The following SSR1 variants were observed in gnomAD, a reference collection of about 807,000 sequenced individuals.
The protein encoded by SSR1 is signal sequence receptor subunit 1.
Under a neutral mutation model 36.1 loss-of-function variants are expected in SSR1, and 13 were observed. The observed-to-expected ratio is 0.36, with a 90% CI of 0.23 to 0.57. SSR1 has a LOEUF of 0.57. Among genes scored for constraint, SSR1 ranks in the 20% least tolerant of loss-of-function variants. SSR1 has a pLI of 0.81. For synonymous variants in SSR1, 113 were observed against 118.9 expected (o/e 0.95, Z 0.32); for missense variants, 291 against 338.5 (o/e 0.86, Z 1.10).
At chr6:7,299,885 T>C (rs1757896497) in intron 4 of SSR1, among the ~76,000 whole-genome samples, 1 of 152,202 alleles carries the variant, frequency 6.6e-6, no homozygotes, top group Non-Finnish European at 1.5e-5. Context: ...TTGTCAAAAC[T>C]GTCACTTATT....
chr6:7,306,928 G>GC lies in SSR1; in HGVS notation c.192+2988_192+2989insG, dbSNP rs1209997738. Among the ~76,000 whole-genome samples, 12 of 115,562 alleles carry GC rather than the reference G, an allele frequency of 1.0e-4. No individual in the cohort carries two copies. In the South Asian group the frequency reaches 3.1e-3, roughly 30 times the overall value. The allele number at this position is 115,562 out of a possible 152,430, so 75.8% of individuals were successfully genotyped here. On this transcript the variant is annotated intron_variant, in intron 2 of 7. Transcript: ENST00000244763. Reference sequence around the variant, plus strand: ...CGAGACTCTGTCTGGGTGGTGGGGGGGTGGGGGAAAGCCCAAGGTGACTTA... The same window carrying GC: ...CGAGACTCTGTCTGGGTGGTGGGGGGCGTGGGGGAAAGCCCAAGGTGACTTA...
At chr6:7,296,363 A>G (rs553560660) in intron 6 of SSR1, among the ~76,000 whole-genome samples, 5 of 152,332 alleles carry the variant, frequency 3.3e-5, no homozygotes, top group African/African-American at 1.2e-4. Context: ...CCTAATATAC[A>G]AATTTACAGC....
intron 4 of SSR1, 92 bp from the exon 5 acceptor site, chr6:7,298,915 T>A (rs924140955): frequency 1.0e-6 from 1 of 968,430 alleles, no homozygotes; most frequent in Non-Finnish European, 1.6e-6. Flanking sequence ...TCTAACAGAT[T>A]GAATATAGCC....
chr6:7,301,171 T>C, intron 4 of SSR1, 139 bp downstream of exon 4: 2 of 1,074,238 alleles, frequency 1.9e-6, no homozygotes, highest in Middle Eastern at 2.8e-4. Context: ...AAACGTGCAA[T>C]TTATCTTTGC....
intron 1 of SSR1, among the ~76,000 whole-genome samples, chr6:7,310,601 C>A (rs924733210): frequency 1.2e-4 from 18 of 152,210 alleles, no homozygotes; most frequent in African/African-American, 4.3e-4. Context: ...ACTAAACAAC[C>A]CCCACGTTTA....
At chr6:7,300,353 T>C (rs1347803736) in intron 4 of SSR1, among the ~76,000 whole-genome samples, 1 of 152,206 alleles carries the variant, frequency 6.6e-6, no homozygotes, top group Non-Finnish European at 1.5e-5. Flanking sequence ...AGAGGACCTA[T>C]TTCTACTAGG....
At chr6:7,312,653 T>A (rs9502599) in intron 1 of SSR1, among the ~76,000 whole-genome samples, 1 of 151,906 alleles carries the variant, frequency 6.6e-6, no homozygotes, top group African/African-American at 2.4e-5. Flanking sequence ...GAGCCGGAGG[T>A]GGCCAAAAGA....
In SSR1 at chr6:7,288,674, T is replaced by G. The variant is rs531241545; in HGVS notation, c.*1190A>C. 6.5e-6 allele frequency: 1 copy of G among 152,754 alleles called. No homozygotes were observed. The highest frequency in any genetic ancestry group is 2.1e-4 in the South Asian group (1 of 4,826). The allele number at this position is 152,754 out of a possible 1,614,324, so 9.5% of individuals were successfully genotyped here. Reference sequence around the variant, plus strand: ...AGCCTCTTAATTGTTCATACTATTTTACTTCACCCTCCATCCAGTCTGACA... The same window carrying G: ...AGCCTCTTAATTGTTCATACTATTTGACTTCACCCTCCATCCAGTCTGACA... On this transcript the variant is annotated 3_prime_UTR_variant, in exon 8 of 8. Coordinates refer to ENST00000244763, the MANE Select transcript of SSR1 (RefSeq NM_003144.5).
intron 5 of SSR1, 65 bp from the exon 6 acceptor site, chr6:7,298,066 C>G: frequency 5.8e-6 from 7 of 1,202,340 alleles, no homozygotes; most frequent in Non-Finnish European, 8.5e-6. Context: ...CTAATTACAA[C>G]TATAATTATA....
intron 1 of SSR1, among the ~76,000 whole-genome samples, chr6:7,312,493 G>C (rs1457090894): frequency 1.3e-5 from 2 of 152,192 alleles, no homozygotes; most frequent in Non-Finnish European, 2.9e-5. Flanking sequence ...GTCAAGCAGG[G>C]CGTGAACAAG....
At chr6:7,310,853 G>T (rs1315066798) in intron 1 of SSR1, among the ~76,000 whole-genome samples, 2 of 152,206 alleles carry the variant, frequency 1.3e-5, no homozygotes, top group Admixed American at 1.3e-4. Flanking sequence ...AGAAGTTGCA[G>T]TGAGCCAAGA....
intron 6 of SSR1, among the ~76,000 whole-genome samples, chr6:7,296,559 G>C (rs143167161): frequency 6.6e-6 from 1 of 152,132 alleles, no homozygotes; most frequent in East Asian, 1.9e-4. Context: ...ACTGTTTAGG[G>C]TCTAATGAAT....
chr6:7,310,545 TAAGA>T (rs1758166933), intron 1 of SSR1, among the ~76,000 whole-genome samples: 2 of 152,204 alleles, frequency 1.3e-5, no homozygotes, highest in South Asian at 4.1e-4. Context: ...TTTGCAAAGA[TAAGA>T]AACTTCTAAA....
chr6:7,299,906 A>G (rs1757896854), intron 4 of SSR1, among the ~76,000 whole-genome samples: 1 of 152,194 alleles, frequency 6.6e-6, no homozygotes, highest in Admixed American at 6.5e-5. Context: ...GCTAAACTGT[A>G]ATTATGTAAG....
Position 7,295,503 on chromosome 6 carries a change from C to T in SSR1, c.700-18G>A. On this transcript the variant is annotated intron_variant, in intron 6 of 7. Transcript: ENST00000244763. ...CTCTTACGCTAAAAGAACATAAAGA[C>T]ATATTTTAAAGGAGTTCCGTTACAC... The T allele has an allele frequency of 1.3e-6, 2 of 1,548,260 alleles. No individual in the cohort carries two copies. Among genetic ancestry groups the T allele is most frequent in the Non-Finnish European group, 1.8e-6 (2 of 1,136,646 alleles).
intron 3 of SSR1, among the ~76,000 whole-genome samples, 158 bp downstream of exon 3, chr6:7,303,392 T>C (rs1413047406): frequency 6.6e-6 from 1 of 152,160 alleles, no homozygotes; most frequent in Non-Finnish European, 1.5e-5. Context: ...ATTTTATTTT[T>C]TCCCCTTGGT....
In SSR1 at chr6:7,284,483, C is replaced by T. The variant is rs925974984; in HGVS notation, c.*5381G>A. 4.6e-5 allele frequency: 7 copies of T among 152,206 alleles called. No homozygotes were observed. In the East Asian group the frequency reaches 1.2e-3, roughly 25 times the overall value. 9.4% of individuals were successfully genotyped at this position (152,206 alleles called of 1,614,324 possible). A position where few individuals can be genotyped will look rare whatever the true frequency, so the allele number is the denominator to read the frequency against. On this transcript the variant is annotated 3_prime_UTR_variant, in exon 8 of 8. Coordinates refer to ENST00000244763, the MANE Select transcript of SSR1 (RefSeq NM_003144.5). ...CAAAGTCCATAAGGTACCATATACTCTTCCCCGCCCCATGCTTCATGGGAT... is the reference window on the plus strand; with the variant it reads ...CAAAGTCCATAAGGTACCATATACTTTTCCCCGCCCCATGCTTCATGGGAT...
chr6:7,306,979 A>G (rs931563168), intron 2 of SSR1, among the ~76,000 whole-genome samples: 1 of 151,228 alleles, frequency 6.6e-6, no homozygotes, highest in African/African-American at 2.4e-5. Flanking sequence ...TTTGTCCTCA[A>G]AAATTCTAAA....
chr6:7,295,391 C>T lies in SSR1; in HGVS notation c.793+1G>A. The T allele has an allele frequency of 1.2e-6, 2 of 1,606,352 alleles. No homozygotes were observed. Among genetic ancestry groups the T allele is most frequent in the Non-Finnish European group, 1.7e-6 (2 of 1,175,488 alleles). ...CCAGCCAAGTCTGTAAGACTACTTA[C>T]TGATTTGATTCAATGTTTCCTGAGG... is the stretch of plus-strand genomic sequence containing the variant. On this transcript the variant is annotated splice_donor_variant, in intron 7 of 7. Transcript: ENST00000244763. LOFTEE classifies it high-confidence loss of function.
Sources: gnomAD v4.1 joint callset for allele counts (sites outside exome capture counted in the v4.1 genomes callset) on GRCh38, gnomAD v4.1.1 for gene constraint, MANE v1.5 for transcripts, NCBI Gene and HGNC (gene_info 2026-07-23, HGNC 2026-07-21) for gene names.